RTN4: variants seen among roughly 807,000 people sequenced by gnomAD.
RTN4 encodes the protein reticulon 4.
RTN4 carries 32 observed loss-of-function variants against 90.4 expected under a neutral mutation model. The observed-to-expected ratio is 0.35, with a 90% confidence interval of 0.27 to 0.48. RTN4 has a LOEUF of 0.48. Ranked by LOEUF, RTN4 falls within the 20% of genes least tolerant of loss-of-function variation. The pLI, the probability that RTN4 is intolerant of heterozygous loss-of-function variation, is 0.99. For missense variants in RTN4, 1,706 were observed against 1,430.2 expected (o/e 1.19, Z -3.11); for synonymous variants, 629 against 552.5 (o/e 1.14, Z -1.94).
At chr2:55,022,581 A>G (rs1437716003) in intron 3 of RTN4, among the ~76,000 whole-genome samples, 2 of 152,078 alleles carry the variant, frequency 1.3e-5, no homozygotes, top group African/African-American at 2.4e-5. Context: ...ACCTTGGGCA[A>G]AAGTCTTGGC....
chr2:54,985,216 G>C (rs1293347760), intron 4 of RTN4, among the ~76,000 whole-genome samples: 2 of 116,062 alleles, frequency 1.7e-5, no homozygotes, highest in Non-Finnish European at 3.2e-5. Flanking sequence ...CTGGAGTATA[G>C]TGGCATGATC....
chr2:55,111,832 T>G (rs1400770505), intron 1 of RTN4, among the ~76,000 whole-genome samples: 3 of 152,168 alleles, frequency 2.0e-5, no homozygotes, highest in Non-Finnish European at 4.4e-5. Context: ...CCTCACCCCA[T>G]GTCTATCCAT....
rs1668044037 is a variant in RTN4 at position 55,050,448 on chromosome 2, C to A, written c.-148G>T. On this transcript the variant is annotated 5_prime_UTR_variant, in exon 1 of 9. Coordinates refer to ENST00000337526, the MANE Select transcript of RTN4 (RefSeq NM_020532.5). This position sits in a 1 kb window ranked among gnomAD's most constrained non-coding sequence, Gnocchi z 4.6. ...CCTACTGTGGTGACGGCTCCCGGAA[C>A]AATGAGACTGCTCCTCCTGCCTCCG... is the stretch of plus-strand genomic sequence containing the variant. 1 of 441,074 alleles carries A rather than the reference C, an allele frequency of 2.3e-6. No homozygotes were observed. The highest frequency in any genetic ancestry group is 2.0e-5 in the African/African-American group (1 of 49,144). 27.3% of individuals were successfully genotyped at this position (441,074 alleles called of 1,614,324 possible). A position where few individuals can be genotyped will look rare whatever the true frequency, so the allele number is the denominator to read the frequency against.
chr2:54,988,928 G>T (rs1404426359), intron 3 of RTN4, among the ~76,000 whole-genome samples: 1 of 152,152 alleles, frequency 6.6e-6, no homozygotes, highest in Admixed American at 6.5e-5. Context: ...GAATTCATAG[G>T]CTGATGTAAT....
chr2:55,020,602 C>T (rs902872687), intron 3 of RTN4, among the ~76,000 whole-genome samples: 3 of 152,122 alleles, frequency 2.0e-5, no homozygotes, highest in Admixed American at 6.5e-5. Flanking sequence ...AACTTTACTT[C>T]CCAAAATTAA....
intron 2 of RTN4, among the ~76,000 whole-genome samples, chr2:55,075,561 A>G (rs1174887725): frequency 6.6e-6 from 1 of 152,186 alleles, no homozygotes; most frequent in Non-Finnish European, 1.5e-5. Flanking sequence ...AAATACCACC[A>G]CCATTCTTCA....
the RTN4 span, among the ~76,000 whole-genome samples, chr2:55,129,269 T>C: frequency 6.6e-6 from 1 of 152,086 alleles, no homozygotes; most frequent in Non-Finnish European, 1.5e-5. Context: ...TATCATTGTT[T>C]TCTCATCAGA....
At chr2:55,016,735 T>A (rs763093313) in intron 3 of RTN4, among the ~76,000 whole-genome samples, 1 of 152,180 alleles carries the variant, frequency 6.6e-6, no homozygotes, top group Non-Finnish European at 1.5e-5. Context: ...ACAATGAGCG[T>A]GTATTGTATG....
chr2:55,005,697 T>A (rs997071558), intron 3 of RTN4, among the ~76,000 whole-genome samples: 2 of 152,284 alleles, frequency 1.3e-5, no homozygotes, highest in African/African-American at 2.4e-5. Flanking sequence ...CTAGAATATG[T>A]TGGAATATTT....
rs186376947 is a variant in RTN4 at position 54,985,202 on chromosome 2, T to C, written c.3221+2289A>G. ...TTTGAAAGAGTCTCGTTCTATTGCT[T>C]AGGCTGGAGTATAGTGGCATGATCA... On this transcript the variant is annotated intron_variant, in intron 4 of 8. Coordinates refer to ENST00000337526, the MANE Select transcript of RTN4 (RefSeq NM_020532.5). 3.5e-3 allele frequency among the ~76,000 whole-genome samples: 461 copies of C among 131,450 alleles called. 7 individuals are homozygous for C. Among genetic ancestry groups the C allele is most frequent in the African/African-American group, 0.012 (433 of 34,844 alleles). The allele number at this position is 131,450 out of a possible 152,430, so 86.2% of individuals were successfully genotyped here.
intron 3 of RTN4, chr2:55,009,983 G>C (rs752318173): frequency 1.2e-5 from 16 of 1,303,384 alleles, no homozygotes; most frequent in Non-Finnish European, 1.7e-5. Context: ...ACTCTTCAGA[G>C]GTTTCACTTT....
chr2:55,029,019 A>G lies in RTN4; in HGVS notation c.557-799T>C, dbSNP rs1188293788. 3.9e-5 allele frequency among the ~76,000 whole-genome samples: 6 copies of G among 152,262 alleles called. No homozygotes were observed. In the South Asian group the frequency reaches 8.3e-4, roughly 21 times the overall value. On this transcript the variant is annotated intron_variant, in intron 1 of 8. Transcript: ENST00000337526. Reference sequence around the variant, plus strand: ...ACCCCTAAAGTGATAGTATCTGAAGATGGGGACTTTGGGAGGTGATTAGGG... The same window carrying G: ...ACCCCTAAAGTGATAGTATCTGAAGGTGGGGACTTTGGGAGGTGATTAGGG...
intron 1 of RTN4, among the ~76,000 whole-genome samples, chr2:55,090,402 A>G (rs141759170): frequency 6.6e-6 from 1 of 152,192 alleles, no homozygotes; most frequent in African/African-American, 2.4e-5. Context: ...TTCCCTGCAC[A>G]CTCAATATCT....
upstream of RTN4, among the ~76,000 whole-genome samples, chr2:55,115,842 C>T (rs1435098340): frequency 6.6e-6 from 1 of 152,188 alleles, no homozygotes; most frequent in African/African-American, 2.4e-5. Context: ...CTACCTCCTC[C>T]CCACAGTTCC....
At chr2:54,980,577 C>T (rs1183168430) in intron 5 of RTN4, among the ~76,000 whole-genome samples, 1 of 152,156 alleles carries the variant, frequency 6.6e-6, no homozygotes, top group African/African-American at 2.4e-5. Context: ...GTGCAAACAT[C>T]GAGGATGACT....
At position 55,050,162 on chromosome 2, in the gene RTN4, C is replaced by T; in HGVS notation, c.139G>A (p.Glu47Lys). 3 of 1,563,084 alleles carry T rather than the reference C, an allele frequency of 1.9e-6. No homozygotes were observed. Among genetic ancestry groups the T allele is most frequent in the Non-Finnish European group, 2.6e-6 (3 of 1,161,752 alleles). ...AGCACCTCCAGCTCCTCCAGGTCTT[C>T]GTCCTCGTCCTCCTCTTCCTCCTCC... The part of the protein sequence containing the change: ...EEEEEEEDED[E>K]DLEELEVLER... The change falls in exon 1 of 9, where the codon GAA becomes AAA. Residue 47 changes from glutamate to lysine, a missense_variant. Transcript: ENST00000337526. This position sits in a 1 kb window ranked among gnomAD's most constrained non-coding sequence, Gnocchi z 4.6.
upstream of RTN4, chr2:55,112,722 C>G (rs1490000126): frequency 6.6e-6 from 1 of 152,276 alleles, no homozygotes; most frequent in Non-Finnish European, 1.5e-5. Flanking sequence ...GATGAATTAT[C>G]TACCAGAGGA....
chr2:54,983,352 T>TAAATAAATAAATAAAA (rs1553432923), intron 4 of RTN4, among the ~76,000 whole-genome samples: 1 of 141,422 alleles, frequency 7.1e-6, no homozygotes, highest in African/African-American at 2.6e-5. Flanking sequence ...AATAAATAAA[T>TAAATAAATAAATAAAA]AAAAATACTA....
At chr2:55,077,804 A>ATAATAC in intron 2 of RTN4, among the ~76,000 whole-genome samples, 1 of 128,750 alleles carries the variant, frequency 7.8e-6, no homozygotes, top group East Asian at 2.2e-4. Context: ...GACACACCAT[A>ATAATAC]TAATACTACT....
Sources: allele counts gnomAD v4.1 joint callset (sites outside exome capture counted in the v4.1 genomes callset), GRCh38; gene constraint gnomAD v4.1.1; non-coding constraint Gnocchi (gnomAD v3.1); transcripts MANE v1.5; gene names NCBI Gene and HGNC (gene_info 2026-07-23, HGNC 2026-07-21).